The following CHSY3 variants were observed in gnomAD, a reference collection of about 807,000 sequenced individuals.
The protein encoded by CHSY3 is N-acetylgalactosaminyl-proteoglycan 3-beta-glucuronosyltransferase 3.
In CHSY3, 35 loss-of-function variants were observed where a neutral mutation model predicts 67.2. The ratio of observed to expected loss-of-function variants is 0.52; its 90% CI spans 0.40 to 0.69. CHSY3 has a LOEUF of 0.69. CHSY3 is among the 30% of genes least tolerant of loss of function. The pLI is 0.00. For missense variants in CHSY3, 1,069 were observed against 1,138.5 expected (o/e 0.94, Z 0.88); for synonymous variants, 474 against 434.7 (o/e 1.09, Z -1.12).
At chr5:129,962,842 A>G (rs931379553) in intron 2 of CHSY3, among the ~76,000 whole-genome samples, 2 of 152,034 alleles carry the variant, frequency 1.3e-5, no homozygotes, top group Non-Finnish European at 2.9e-5. Context: ...ATTATCATCC[A>G]GAAGAGCCAG....
intron 1 of CHSY3, among the ~76,000 whole-genome samples, chr5:129,907,499 C>T (rs1189654029): frequency 6.6e-6 from 1 of 152,176 alleles, no homozygotes; most frequent in African/African-American, 2.4e-5. Flanking sequence ...ACTTAACAAA[C>T]TGCAAGTGAA....
intron 2 of CHSY3, among the ~76,000 whole-genome samples, chr5:129,936,249 C>T (rs763780793): frequency 8.5e-5 from 13 of 152,162 alleles, no homozygotes; most frequent in Admixed American, 3.3e-4. Flanking sequence ...AGCAATTTTG[C>T]GTGGCATGTT....
intron 2 of CHSY3, among the ~76,000 whole-genome samples, chr5:129,970,051 C>T (rs1402318184): frequency 6.6e-6 from 1 of 151,816 alleles, no homozygotes; most frequent in Admixed American, 6.6e-5. Flanking sequence ...TGCAAAGCTG[C>T]CTCTTTCTCA....
intron 2 of CHSY3, among the ~76,000 whole-genome samples, chr5:130,079,752 A>G (rs1407420881): frequency 6.6e-6 from 1 of 152,076 alleles, no homozygotes; most frequent in Non-Finnish European, 1.5e-5. Context: ...AAGAAACCAG[A>G]TACTTGTAAG....
chr5:130,040,696 G>T (rs1030887151), intron 2 of CHSY3, among the ~76,000 whole-genome samples: 1 of 152,100 alleles, frequency 6.6e-6, no homozygotes, highest in South Asian at 2.1e-4. Flanking sequence ...TGAGCAAATT[G>T]TTAGGTTTCA....
intron 2 of CHSY3, among the ~76,000 whole-genome samples, chr5:129,930,047 C>T (rs752049689): frequency 1.3e-5 from 2 of 152,098 alleles, no homozygotes; most frequent in African/African-American, 2.4e-5. Flanking sequence ...TCTATGCCTT[C>T]GGGCATGGTG....
intron 2 of CHSY3, among the ~76,000 whole-genome samples, chr5:130,092,623 A>G (rs760065716): frequency 1.3e-5 from 2 of 152,222 alleles, no homozygotes; most frequent in Non-Finnish European, 2.9e-5. Flanking sequence ...TAATCTGAAC[A>G]TAATCTGAAT....
At chr5:130,033,755 T>C (rs1232410996) in intron 2 of CHSY3, among the ~76,000 whole-genome samples, 1 of 146,820 alleles carries the variant, frequency 6.8e-6, no homozygotes, top group African/African-American at 2.5e-5. Context: ...ATTTCCACAT[T>C]ATGTACTTTA....
rs1156410586 is a variant in CHSY3, at chr5:130,185,628, T to C, written c.2486T>C (p.Val829Ala). The C allele has an allele frequency of 3.1e-6, 5 of 1,613,692 alleles. No homozygotes were observed. The highest frequency in any genetic ancestry group is 4.2e-6 in the Non-Finnish European group (5 of 1,179,954). The change falls in exon 3 of 3, where the codon GTG becomes GCG. Residue 829 changes from valine (V) to alanine (A), a missense_variant. This residue lies in a region of CHSY3 where 139 missense variants were observed against 152.8 expected (regional missense o/e 0.91). Transcript: ENST00000305031. Reference sequence around the variant, plus strand: ...CCATTCAGAAGCCAAGAAGTAGGAGTGGTGCATATTTTCCATCCAGTTCAT... The same window carrying C: ...CCATTCAGAAGCCAAGAAGTAGGAGCGGTGCATATTTTCCATCCAGTTCAT... ...LRPFRSQEVG[V>A]VHIFHPVHCD...
At chr5:129,956,341 G>C (rs182672970) in intron 2 of CHSY3, among the ~76,000 whole-genome samples, 5 of 152,078 alleles carry the variant, frequency 3.3e-5, no homozygotes, top group Admixed American at 2.6e-4. Flanking sequence ...CTTGTTGGTC[G>C]TATGTAGGTC....
intron 2 of CHSY3, among the ~76,000 whole-genome samples, chr5:129,959,712 TC>T (rs1762277057): frequency 6.6e-6 from 1 of 152,154 alleles, no homozygotes; most frequent in African/African-American, 2.4e-5. Flanking sequence ...GATTTCTATG[TC>T]ATCAGCATAG....
At position 130,186,035 on chromosome 5, in the gene CHSY3, CTTTA is replaced by C. The variant is rs780908345; in HGVS notation, c.*248_*251del. The C allele has an allele frequency of 5.2e-5, 12 of 232,268 alleles. No homozygotes were observed. Among genetic ancestry groups the C allele is most frequent in the Non-Finnish European group, 8.2e-5 (10 of 122,002 alleles). 14.4% of individuals were successfully genotyped at this position (232,268 alleles called of 1,614,324 possible). On this transcript the variant is annotated 3_prime_UTR_variant, in exon 3 of 3. Coordinates refer to ENST00000305031, the MANE Select transcript of CHSY3 (RefSeq NM_175856.5). The stretch of plus-strand genomic sequence containing the variant: ...TCAATATGTTATTACTTTTATATAA[CTTTA>C]TTTGAGATTGAGTTAAATCATAGCA...
At chr5:130,080,319 G>A (rs534516477) in intron 2 of CHSY3, among the ~76,000 whole-genome samples, 9 of 152,058 alleles carry the variant, frequency 5.9e-5, no homozygotes, top group East Asian at 1.9e-4. Flanking sequence ...TATTCTGCCC[G>A]TCACTGATAC....
At chr5:130,021,921 T>C (rs868028351) in intron 2 of CHSY3, among the ~76,000 whole-genome samples, 1 of 152,128 alleles carries the variant, frequency 6.6e-6, no homozygotes, top group African/African-American at 2.4e-5. Context: ...ATATATGTAA[T>C]TATGTGCCAT....
intron 2 of CHSY3, among the ~76,000 whole-genome samples, chr5:130,154,394 A>G (rs1479515692): frequency 6.6e-6 from 1 of 152,186 alleles, no homozygotes; most frequent in African/African-American, 2.4e-5. Flanking sequence ...TTTAAATTTC[A>G]CATGTCTTGG....
intron 2 of CHSY3, among the ~76,000 whole-genome samples, chr5:130,025,401 G>A (rs1384446503): frequency 6.6e-6 from 1 of 152,082 alleles, no homozygotes; most frequent in Non-Finnish European, 1.5e-5. Flanking sequence ...AGGAAGTAAG[G>A]AACTCAGACA....
chr5:129,955,147 G>A (rs980218422), intron 2 of CHSY3, among the ~76,000 whole-genome samples: 18 of 152,152 alleles, frequency 1.2e-4, no homozygotes, highest in African/African-American at 2.4e-4. Flanking sequence ...GATTACAGGC[G>A]TGAGCCACTG....
chr5:129,979,103 G>A (rs1561482551), intron 2 of CHSY3, among the ~76,000 whole-genome samples: 1 of 149,250 alleles, frequency 6.7e-6, no homozygotes, highest in Non-Finnish European at 1.5e-5. Flanking sequence ...AGGAGGCTGA[G>A]GCAGGAGAAT....
At chr5:129,907,797 G>T (rs1267378401) in intron 1 of CHSY3, among the ~76,000 whole-genome samples, 1 of 152,016 alleles carries the variant, frequency 6.6e-6, no homozygotes, top group African/African-American at 2.4e-5. Context: ...TACTTTCCTT[G>T]TCATTATTTC....
Sources: gnomAD v4.1 joint callset for allele counts (sites outside exome capture counted in the v4.1 genomes callset) on GRCh38, gnomAD v4.1.1 for gene constraint, gnomAD v4.1.1 regional missense constraint, MANE v1.5 for transcripts, NCBI Gene and HGNC (gene_info 2026-07-23, HGNC 2026-07-21) for gene names.